The following HJURP variants were observed in gnomAD, a reference collection of about 807,000 sequenced individuals.
HJURP encodes Holliday junction recognition protein.
In HJURP, 49 loss-of-function variants were observed where a neutral mutation model predicts 72.0. The ratio of observed to expected loss-of-function variants is 0.68; its 90% confidence interval spans 0.54 to 0.86. The LOEUF is 0.86. HJURP is among the 40% of genes least tolerant of loss of function. The probability of loss-of-function intolerance (pLI) is 0.00; values close to 1 mark genes in which losing one functional copy is unlikely to be tolerated. For synonymous variants in HJURP, 357 were observed against 347.1 expected (o/e 1.03, Z -0.32); for missense variants, 908 against 936.3 (o/e 0.97, Z 0.39).
chr2:233,840,844 AC>A lies in HJURP; in HGVS notation c.1935del (p.Cys646AlafsTer95). On this transcript the variant is annotated frameshift_variant, in exon 8 of 9. Transcript: ENST00000411486. LOFTEE classifies it high-confidence loss of function. ...GFQKLPSSPL[G>X]CRKSLLGSTA... Reference sequence around the variant, plus strand: ...GTTGAGCCCAGTAGACTTTTTCTGCACCCCAGGGGTGATGATGGCAACTTCT... The same window carrying A: ...GTTGAGCCCAGTAGACTTTTTCTGCACCCAGGGGTGATGATGGCAACTTCT... The A allele has an allele frequency of 1.2e-6, 2 of 1,613,646 alleles. No individual in the cohort carries two copies. Among genetic ancestry groups the A allele is most frequent in the Middle Eastern group, 1.7e-4 (1 of 6,060 alleles).
In HJURP at chr2:233,841,394, C is replaced by A; in HGVS notation, c.1386G>T (p.Trp462Cys). 3.1e-6 allele frequency: 5 copies of A among 1,614,140 alleles called. No homozygotes were observed. Among genetic ancestry groups the A allele is most frequent in the Non-Finnish European group, 4.2e-6 (5 of 1,180,018 alleles). Reference sequence around the variant, plus strand: ...GACCCCCTCTGTACATGTTCATGGCCCAGGAGTCCGGGAGGCACATCCGGC... The same window carrying A: ...GACCCCCTCTGTACATGTTCATGGCACAGGAGTCCGGGAGGCACATCCGGC... ...QPRRMCLPDS[W>C]AMNMYRGGPA... The change falls in exon 8 of 9, where the codon TGG becomes TGT. Residue 462 changes from tryptophan (W) to cysteine (C), a missense_variant. Physicochemically the swap from Trp to Cys is radical, Grantham distance 215 (BLOSUM62 -2). Around this residue, in one of 3 missense-constraint regions of HJURP, gnomAD observed 598 missense variants for 619.5 expected, o/e 0.97. Coordinates refer to ENST00000411486, the MANE Select transcript of HJURP (RefSeq NM_018410.5).
Position 233,837,309 on chromosome 2 carries a change from CA to C in HJURP, c.*267del. 1 of 265,986 alleles carries C rather than the reference CA, an allele frequency of 3.8e-6. No homozygotes were observed. Among genetic ancestry groups the C allele is most frequent in the East Asian group, 6.9e-5 (1 of 14,436 alleles). The allele number at this position is 265,986 out of a possible 1,614,324, so 16.5% of individuals were successfully genotyped here. A position where few individuals can be genotyped will look rare whatever the true frequency, so the allele number is the denominator to read the frequency against. On this transcript the variant is annotated 3_prime_UTR_variant, in exon 9 of 9. Coordinates refer to ENST00000411486, the MANE Select transcript of HJURP (RefSeq NM_018410.5). ...AAAAACAAACAAACAAACAAACAAA[CA>C]AACAAATAACCCCCCCCCAAAAAAA...
chr2:233,840,611 C>G lies in HJURP; in HGVS notation c.2169G>C (p.Glu723Asp), dbSNP rs574081193. ...TCAACCAACAGAAACACACCTACCT[C>G]TCTTCTGAGTTGGGCTGTGAAGAGC... is the stretch of plus-strand genomic sequence containing the variant. ...QGSSSQPNSEERGENTSYRME... is the reference protein window; with the variant it reads ...QGSSSQPNSEDRGENTSYRME... The change falls in exon 8 of 9, where the codon GAG becomes GAC. Residue 723 changes from glutamate (E) to aspartate (D), a missense_variant and splice_region_variant. Physicochemically the swap from Glu to Asp is conservative, Grantham distance 45. This residue lies in a region of HJURP where 598 missense variants were observed against 619.5 expected (regional missense o/e 0.97). Coordinates refer to ENST00000411486, the MANE Select transcript of HJURP (RefSeq NM_018410.5). The G allele has an allele frequency of 6.3e-7, 1 of 1,579,590 alleles. No homozygotes were observed. Among genetic ancestry groups the G allele is most frequent in the South Asian group, 1.2e-5 (1 of 85,208 alleles).
chr2:233,841,284 TCAC>T lies in HJURP; in HGVS notation c.1493_1495del (p.Ser498_Glu499delinsLys). The T allele has an allele frequency of 4.3e-6, 7 of 1,614,106 alleles. No individual in the cohort carries two copies. The highest frequency in any genetic ancestry group is 5.9e-6 in the Non-Finnish European group (7 of 1,179,964). On this transcript the variant is annotated inframe_deletion, in exon 8 of 9. Transcript: ENST00000411486. ...TCTTTTGCCTAGGTTTTCAAAAGCC[TCAC>T]TTAAACTTTTTGCTTTTGCTTTGCT...
chr2:233,840,761 C>T lies in HJURP; in HGVS notation c.2019G>A (p.Thr673=), dbSNP rs144444948. The T allele has an allele frequency of 3.0e-5, 49 of 1,613,890 alleles. No individual in the cohort carries two copies. The highest frequency in any genetic ancestry group is 3.3e-4 in the Middle Eastern group (2 of 6,062). ...TTTTTGCAGGGAACTGATGGTCCCT[C>T]GTGCCATCCCTCGTGATGGCACGAG... ...CVARAITRDG[T]RDHQFPAKRP... is the part of the protein sequence containing the mutation. The change falls in exon 8 of 9, where the codon ACG becomes ACA. Residue 673 remains threonine (T), a synonymous_variant. Transcript: ENST00000411486.
rs771174729 is a variant in HJURP, at chr2:233,841,355, A to C, written c.1425T>G (p.Gly475=). 4 of 1,614,160 alleles carry C rather than the reference A, an allele frequency of 2.5e-6. No homozygotes were observed. The South Asian group carries it at 4.4e-5, about 18-fold the overall frequency. The change falls in exon 8 of 9, where the codon GGT becomes GGG. Residue 475 remains glycine (G), a synonymous_variant. Coordinates refer to ENST00000411486, the MANE Select transcript of HJURP (RefSeq NM_018410.5). ...NMYRGGPASP[G]GLQGLETRRL... ...TGCGGGTTTCTAAGCCCTGAAGGCC[A>C]CCAGGACTCGCAGGACCCCCTCTGT...
intron 4 of HJURP, among the ~76,000 whole-genome samples, chr2:233,849,007 G>C (rs1277571902): frequency 6.6e-6 from 1 of 152,190 alleles, no homozygotes; most frequent in Non-Finnish European, 1.5e-5. Context: ...AAAACCCAAA[G>C]AATAAAACCC....
In HJURP at chr2:233,837,315, A is replaced by G. The variant is rs1371197840; in HGVS notation, c.*262T>C. On this transcript the variant is annotated 3_prime_UTR_variant, in exon 9 of 9. Transcript: ENST00000411486. ...AAACAAACAAACAAACAAACAAACAAATAACCCCCCCCCAAAAAAAACACA... is the reference window on the plus strand; with the variant it reads ...AAACAAACAAACAAACAAACAAACAGATAACCCCCCCCCAAAAAAAACACA... 1.4e-5 allele frequency: 4 copies of G among 290,750 alleles called. No homozygotes were observed. The highest frequency in any genetic ancestry group is 2.5e-5 in the Non-Finnish European group (4 of 158,404). 18.0% of individuals were successfully genotyped at this position (290,750 alleles called of 1,614,324 possible).
Position 233,841,934 on chromosome 2 carries a change from G to C in HJURP, c.846C>G (p.Ile282Met). 6.2e-7 allele frequency: 1 copy of C among 1,614,212 alleles called. No individual in the cohort carries two copies. Among genetic ancestry groups the C allele is most frequent in the Non-Finnish European group, 8.5e-7 (1 of 1,180,036 alleles). ...GCATGATGAACGTTTTGGTGGAGAT[G>C]ATGCTTGATGGCTTTGTGCTCAACA... ...SRLLSTKPSS[I>M]ISTKTFIMQN... is the part of the protein sequence containing the mutation. The change falls in exon 8 of 9, where the codon ATC becomes ATG. Residue 282 changes from isoleucine to methionine, a missense_variant. Coordinates refer to ENST00000411486, the MANE Select transcript of HJURP (RefSeq NM_018410.5).
At chr2:233,849,197 G>A (rs934475819) in intron 4 of HJURP, among the ~76,000 whole-genome samples, 5 of 152,190 alleles carry the variant, frequency 3.3e-5, no homozygotes, top group African/African-American at 1.2e-4. Context: ...ACTGGGCAAA[G>A]GGATGTGGCA....
rs367843232 is a variant in HJURP at position 233,853,720 on chromosome 2, C to G, written c.184+124G>C. 30 of 717,802 alleles carry G rather than the reference C, an allele frequency of 4.2e-5. No homozygotes were observed. In the African/African-American group the frequency reaches 4.2e-4, roughly 10 times the overall value. 44.5% of individuals were successfully genotyped at this position (717,802 alleles called of 1,614,324 possible). A position where few individuals can be genotyped will look rare whatever the true frequency, so the allele number is the denominator to read the frequency against. On this transcript the variant is annotated intron_variant, in intron 2 of 8. Transcript: ENST00000411486. ...CAAGTAATTTACAGGTTTAAGGGCA[C>G]CAATGTTTTGGTTCCTATTAGTTAG...
At chr2:233,838,665 C>T (rs924880025) in intron 8 of HJURP, among the ~76,000 whole-genome samples, 2 of 152,150 alleles carry the variant, frequency 1.3e-5, no homozygotes, top group African/African-American at 2.4e-5. Context: ...CAGGAGAAAC[C>T]TCAGATCTCT....
chr2:233,839,972 C>T (rs1705179207), intron 8 of HJURP, among the ~76,000 whole-genome samples: 1 of 152,284 alleles, frequency 6.6e-6, no homozygotes, highest in Admixed American at 6.5e-5. Context: ...TTAATGCCAA[C>T]AAAGGTACTC....
chr2:233,851,921 G>A (rs1335826958), intron 3 of HJURP, among the ~76,000 whole-genome samples: 1 of 152,062 alleles, frequency 6.6e-6, no homozygotes, highest in African/African-American at 2.4e-5. Context: ...TGGCATCTGA[G>A]AGGCAGTGAT....
At position 233,840,685 on chromosome 2, in the gene HJURP, C is replaced by T. The variant is rs373915459; in HGVS notation, c.2095G>A (p.Gly699Ser). The change falls in exon 8 of 9, where the codon GGT becomes AGT. Residue 699 changes from glycine (G) to serine (S), a missense_variant. This residue lies in a region of HJURP where 598 missense variants were observed against 619.5 expected (regional missense o/e 0.97). Coordinates refer to ENST00000411486, the MANE Select transcript of HJURP (RefSeq NM_018410.5). ...GTGTTGTCCACCCCATCTGAGGCAC[C>T]CAGGGAATTGCCCTGGCGTCCGGAG... is the stretch of plus-strand genomic sequence containing the variant. Reference protein sequence around the residue: ...QGSGRQGNSLGASDGVDNTVR... With the variant: ...QGSGRQGNSLSASDGVDNTVR... 6.2e-7 allele frequency: 1 copy of T among 1,613,912 alleles called. No individual in the cohort carries two copies. Among genetic ancestry groups the T allele is most frequent in the African/African-American group, 1.3e-5 (1 of 74,888 alleles).
Position 233,846,680 on chromosome 2 carries a change from T to C in HJURP, c.402+717A>G, listed in dbSNP as rs1239421518. Among the ~76,000 whole-genome samples the C allele has an allele frequency of 1.3e-5, 2 of 152,170 alleles. No homozygotes were observed. Among genetic ancestry groups the C allele is most frequent in the Admixed American group, 6.5e-5 (1 of 15,278 alleles). ...TTCCCCAGGACCACGGCCTTTTTCT[T>C]AGTCACTGAAAGTCACACATGGGTG... is the stretch of plus-strand genomic sequence containing the variant. On this transcript the variant is annotated intron_variant, in intron 5 of 8. Coordinates refer to ENST00000411486, the MANE Select transcript of HJURP (RefSeq NM_018410.5). This position sits in a 1 kb window ranked among gnomAD's most constrained non-coding sequence, Gnocchi z 4.3.
intron 8 of HJURP, among the ~76,000 whole-genome samples, chr2:233,838,585 T>A (rs904906346): frequency 6.6e-6 from 1 of 151,938 alleles, no homozygotes; most frequent in Admixed American, 6.6e-5. Context: ...TGGGGCACTA[T>A]CTGAGAAAAA....
intron 1 of HJURP, 85 bp from the exon 2 acceptor site, chr2:233,853,995 A>G: frequency 2.4e-6 from 3 of 1,252,914 alleles, no homozygotes; most frequent in Non-Finnish European, 3.5e-6. Context: ...AGCCCGTGAG[A>G]GGCCGTTAGT....
Position 233,836,787 on chromosome 2 carries a change from A to G in HJURP, c.*790T>C, listed in dbSNP as rs907942999. The stretch of plus-strand genomic sequence containing the variant: ...AATATTTCATTACAAAAACGTCACC[A>G]TGATATCCTGTCATCAACAGCTTCA... On this transcript the variant is annotated 3_prime_UTR_variant, in exon 9 of 9. Coordinates refer to ENST00000411486, the MANE Select transcript of HJURP (RefSeq NM_018410.5). The G allele has an allele frequency of 2.0e-5, 3 of 152,222 alleles. No homozygotes were observed. Among genetic ancestry groups the G allele is most frequent in the East Asian group, 1.9e-4 (1 of 5,198 alleles). 9.4% of individuals were successfully genotyped at this position (152,222 alleles called of 1,614,324 possible).
Sources: gnomAD v4.1 joint callset for allele counts (sites outside exome capture counted in the v4.1 genomes callset) on GRCh38, gnomAD v4.1.1 for gene constraint, gnomAD v4.1.1 regional missense constraint, Gnocchi (gnomAD v3.1) non-coding constraint, MANE v1.5 for transcripts, NCBI Gene and HGNC (gene_info 2026-07-23, HGNC 2026-07-21) for gene names.